The following RBM19 variants were observed in gnomAD, a reference collection of about 807,000 sequenced individuals.
The protein encoded by RBM19 is probable RNA-binding protein 19.
Under a neutral mutation model 116.8 loss-of-function variants are expected in RBM19, and 94 were observed. The observed-to-expected ratio is 0.80, with a 90% CI of 0.68 to 0.95. RBM19 has a LOEUF of 0.95. RBM19 is among the 40% of genes least tolerant of loss of function. RBM19 has a pLI of 0.00. For missense variants in RBM19, 1,161 were observed against 1,220.7 expected, an observed-to-expected ratio of 0.95 and a Z score of 0.73; for synonymous variants, 475 against 494.1, an observed-to-expected ratio of 0.96 and a Z score of 0.51.
At chr12:113,918,643 G>A (rs561750801) in intron 19 of RBM19, among the ~76,000 whole-genome samples, 196 bp from the exon 20 acceptor site, 1 of 152,348 alleles carries the variant, frequency 6.6e-6, no homozygotes, top group East Asian at 1.9e-4. Flanking sequence ...AGCAGCTGGT[G>A]GTCAGAGACT....
At chr12:113,929,036 T>C (rs899674867) in intron 16 of RBM19, among the ~76,000 whole-genome samples, 1 of 152,138 alleles carries the variant, frequency 6.6e-6, no homozygotes, top group Non-Finnish European at 1.5e-5. Flanking sequence ...AGTTAAACCC[T>C]GCACCCCAGC....
At position 113,948,892 on chromosome 12, in the gene RBM19, AC is replaced by A. The variant is rs752137718; in HGVS notation, c.1216del (p.Val406TyrfsTer33). On this transcript the variant is annotated frameshift_variant, in exon 10 of 24. Coordinates refer to ENST00000261741, the MANE Select transcript of RBM19 (RefSeq NM_016196.4). LOFTEE classifies it high-confidence loss of function. ...EDLAESGRLF[V>X]RNLPYTSTEE... ...GGTGCTGGTGTAGGGCAGGTTCCGT[AC>A]AAAGAGCCTTCCGGATTCGGCCAGG... is the stretch of plus-strand genomic sequence containing the variant. The A allele has an allele frequency of 6.2e-7, 1 of 1,614,178 alleles. No individual in the cohort carries two copies. The highest frequency in any genetic ancestry group is 1.1e-5 in the South Asian group (1 of 91,086).
chr12:113,849,623 G>A (rs181309688), intron 22 of RBM19, among the ~76,000 whole-genome samples: 3 of 152,334 alleles, frequency 2.0e-5, no homozygotes, highest in African/African-American at 7.2e-5. Context: ...TGCAGGATGG[G>A]AACAGTAACC....
chr12:113,954,201 T>C (rs1163978312), intron 7 of RBM19, among the ~76,000 whole-genome samples: 1 of 152,074 alleles, frequency 6.6e-6, no homozygotes, highest in Non-Finnish European at 1.5e-5. Context: ...TTCTTAGACA[T>C]ACAAAGACAA....
chr12:113,941,422 C>T (rs765745337), intron 14 of RBM19, among the ~76,000 whole-genome samples: 3 of 152,204 alleles, frequency 2.0e-5, no homozygotes, highest in Non-Finnish European at 4.4e-5. Context: ...GGTGGAAGCA[C>T]AGTAGAGCTG....
chr12:113,934,784 G>A (rs1478216165), intron 16 of RBM19, among the ~76,000 whole-genome samples: 1 of 152,174 alleles, frequency 6.6e-6, no homozygotes, highest in Non-Finnish European at 1.5e-5. Flanking sequence ...TTCTGAGGCT[G>A]GGCTAACAAC....
chr12:113,948,853 T>C lies in RBM19; in HGVS notation c.1256A>G (p.Glu419Gly). 1 of 1,614,158 alleles carries C rather than the reference T, an allele frequency of 6.2e-7. No individual in the cohort carries two copies. The highest frequency in any genetic ancestry group is 8.5e-7 in the Non-Finnish European group (1 of 1,180,028). The change falls in exon 10 of 24, where the codon GAG (glutamate) becomes GGG (glycine). Residue 419 changes from glutamate to glycine, a missense_variant. Physicochemically the swap from Glu to Gly is moderately conservative, Grantham distance 98. Coordinates refer to ENST00000261741, the MANE Select transcript of RBM19 (RefSeq NM_016196.4). ...LPYTSTEEDLEKLFSKYGPLS... is the reference protein window; with the variant it reads ...LPYTSTEEDLGKLFSKYGPLS... ...CCTACCATATTTGGAGAAGAGCTTC[T>C]CCAGATCCTCCTCGGTGCTGGTGTA...
At chr12:113,826,621 G>C (rs1308616216) in intron 23 of RBM19, among the ~76,000 whole-genome samples, 1 of 152,232 alleles carries the variant, frequency 6.6e-6, no homozygotes, top group Non-Finnish European at 1.5e-5. Context: ...TTCTGGTCTG[G>C]CAGGGGGAGA....
intron 12 of RBM19, 62 bp from the exon 13 acceptor site, chr12:113,945,986 A>C: frequency 7.0e-7 from 1 of 1,428,520 alleles, no homozygotes; most frequent in Non-Finnish European, 9.8e-7. Context: ...ACTCGTTCTC[A>C]GACACGAATC....
rs756655791 is a variant in RBM19, at chr12:113,950,099, G to A, written c.1056C>T (p.Cys352=). The A allele has an allele frequency of 2.4e-5, 38 of 1,608,696 alleles. No individual in the cohort carries two copies. The highest frequency in any genetic ancestry group is 3.0e-5 in the Non-Finnish European group (35 of 1,175,296). Residue 352 remains cysteine (C), a synonymous_variant, in exon 9 of 24, where the codon TGC becomes TGT. Coordinates refer to ENST00000261741, the MANE Select transcript of RBM19 (RefSeq NM_016196.4). Reference sequence around the variant, plus strand: ...CTTCCTTACCCATGTACTCCCGGTTGCATTTCAGAGCTTGCTTCACTTCCT... The same window carrying A: ...CTTCCTTACCCATGTACTCCCGGTTACATTTCAGAGCTTGCTTCACTTCCT... ...NEEEVKQALK[C]NREYMGGRYI... is the part of the protein sequence containing the mutation.
Position 113,950,167 on chromosome 12 carries a change from A to C in RBM19, c.1001-13T>G. ...ACAAAGATGTATCCTGACAGAGGAC[A>C]ATGACAGAGGTAAAATCTGCAGGCC... On this transcript the variant is annotated splice_polypyrimidine_tract_variant and intron_variant, in intron 8 of 23. Coordinates refer to ENST00000261741, the MANE Select transcript of RBM19 (RefSeq NM_016196.4). 1 of 1,594,734 alleles carries C rather than the reference A, an allele frequency of 6.3e-7. No homozygotes were observed. The highest frequency in any genetic ancestry group is 1.1e-5 in the South Asian group (1 of 90,440).
At chr12:113,912,929 CG>C (rs1356392089) in intron 21 of RBM19, among the ~76,000 whole-genome samples, 1 of 152,118 alleles carries the variant, frequency 6.6e-6, no homozygotes, top group African/African-American at 2.4e-5. Context: ...CATCCCCAGC[CG>C]GAGTGAACAA....
intron 1 of RBM19, among the ~76,000 whole-genome samples, chr12:113,964,093 A>G (rs1832618624): frequency 6.6e-6 from 1 of 152,236 alleles, no homozygotes; most frequent in Admixed American, 6.5e-5. Flanking sequence ...AAGTCCCATT[A>G]AAAATAAGGA....
intron 21 of RBM19, among the ~76,000 whole-genome samples, chr12:113,901,647 G>A (rs778778703): frequency 2.0e-5 from 3 of 152,018 alleles, no homozygotes; most frequent in Non-Finnish European, 2.9e-5. Flanking sequence ...TAGCTGGGAC[G>A]ACAGGCGCCT....
At chr12:113,936,834 C>T (rs1223069568) in intron 16 of RBM19, 173 bp downstream of exon 16, 1 of 815,006 alleles carries the variant, frequency 1.2e-6, no homozygotes, top group South Asian at 2.5e-5. Flanking sequence ...AATTTTGACA[C>T]TGTTTTTTAC....
Position 113,822,960 on chromosome 12 carries a change from G to A in RBM19, c.*264C>T. ...TCTTCCTAACGTGGCTGCTCCCTTG[G>A]ACTCTTCCGTGTCTGCTACAGAGCA... On this transcript the variant is annotated 3_prime_UTR_variant, in exon 24 of 24. Transcript: ENST00000261741. The A allele has an allele frequency of 2.2e-6, 1 of 454,862 alleles. No individual in the cohort carries two copies. The highest frequency in any genetic ancestry group is 4.0e-6 in the Non-Finnish European group (1 of 249,786). 28.2% of individuals were successfully genotyped at this position (454,862 alleles called of 1,614,324 possible). A position where few individuals can be genotyped will look rare whatever the true frequency, so the allele number is the denominator to read the frequency against.
intron 21 of RBM19, among the ~76,000 whole-genome samples, chr12:113,908,573 CAAAAAAAAAA>C (rs11338829): frequency 9.0e-5 from 3 of 33,218 alleles, no homozygotes; most frequent in Non-Finnish European, 1.1e-4. Context: ...AAGAAAATAG[CAAAAAAAAAA>C]AAAAAAAAAA....
chr12:113,908,366 G>A, intron 21 of RBM19, among the ~76,000 whole-genome samples: 1 of 151,920 alleles, frequency 6.6e-6, no homozygotes, highest in Admixed American at 6.6e-5. Context: ...GCTGTCCTCG[G>A]CCCTCCTTCC....
At chr12:113,857,116 T>A (rs1056285198) in intron 22 of RBM19, among the ~76,000 whole-genome samples, 1 of 152,218 alleles carries the variant, frequency 6.6e-6, no homozygotes, top group African/African-American at 2.4e-5. Flanking sequence ...ATAAGACAGA[T>A]GACAACACTT....
Sources: allele counts gnomAD v4.1 joint callset (sites outside exome capture counted in the v4.1 genomes callset), GRCh38; gene constraint gnomAD v4.1.1; transcripts MANE v1.5; gene names NCBI Gene and HGNC (gene_info 2026-07-23, HGNC 2026-07-21).